The following ROBO1 variants were observed in gnomAD, a reference collection of about 807,000 sequenced individuals.
ROBO1 encodes the protein roundabout guidance receptor 1.
A neutral mutation model predicts 195.9 loss-of-function variants in ROBO1; 149 were observed. The ratio of observed to expected loss-of-function variants is 0.76; its 90% CI spans 0.67 to 0.87. The LOEUF is 0.87. ROBO1 is among the 40% of genes least tolerant of loss of function. The pLI, the probability that ROBO1 is intolerant of heterozygous loss-of-function variation, is 0.00. For synonymous variants in ROBO1, 816 were observed against 733.2 expected, an observed-to-expected ratio of 1.11 and a Z score of -1.82; for missense variants, 1,933 against 2,068.3, an observed-to-expected ratio of 0.93 and a Z score of 1.27.
At chr3:79,757,255 T>C (rs73126801) in intron 1 of ROBO1, among the ~76,000 whole-genome samples, 26,244 of 152,124 alleles carry the variant, frequency 0.17, 2,310 homozygotes, top group East Asian at 0.25. Flanking sequence ...ACAGTGCCTG[T>C]ACCACTTCAC....
intron 4 of ROBO1, among the ~76,000 whole-genome samples, chr3:78,920,040 T>C (rs1370148828): frequency 1.3e-5 from 2 of 152,218 alleles, no homozygotes; most frequent in Non-Finnish European, 2.9e-5. Context: ...TTATCTATGA[T>C]TCAGTGTGAA....
intron 1 of ROBO1, among the ~76,000 whole-genome samples, chr3:79,653,009 T>C (rs1946056364): frequency 6.6e-6 from 1 of 151,948 alleles, no homozygotes; most frequent in Admixed American, 6.6e-5. Context: ...CAATAATCAC[T>C]AAATATGTTT....
intron 1 of ROBO1, among the ~76,000 whole-genome samples, chr3:79,609,286 G>GA (rs1006889412): frequency 2.0e-4 from 30 of 149,612 alleles, no homozygotes; most frequent in African/African-American, 3.7e-4. Flanking sequence ...AAAAAAAACT[G>GA]AAAAAAAAAT....
chr3:79,018,916 T>C (rs960469195), intron 3 of ROBO1: 2 of 987,646 alleles, frequency 2.0e-6, no homozygotes, highest in Admixed American at 6.0e-5. Context: ...TGCTTCTCCG[T>C]CTCCCGGCGA....
intron 2 of ROBO1, among the ~76,000 whole-genome samples, chr3:79,505,342 A>G (rs989519099): frequency 7.9e-5 from 12 of 152,318 alleles, no homozygotes; most frequent in African/African-American, 2.9e-4. Context: ...GAGAAAGAGA[A>G]AGAGATTTCA....
At chr3:79,764,556 C>CT (rs1471285179) in intron 1 of ROBO1, among the ~76,000 whole-genome samples, 1 of 152,146 alleles carries the variant, frequency 6.6e-6, no homozygotes, top group African/African-American at 2.4e-5. Context: ...TACTGCCTTG[C>CT]TTTTTTTCAT....
rs546075768 is a variant in ROBO1, at chr3:79,358,430, A to C, written c.88+231394T>G. ...TTGGATTTGGTTTAGGAAGACGTTG[A>C]TATCCTGAGAAGCTATAAATGGTTT... is the stretch of plus-strand genomic sequence containing the variant. On this transcript the variant is annotated intron_variant, in intron 2 of 30. Coordinates refer to ENST00000464233, the MANE Select transcript of ROBO1 (RefSeq NM_002941.4). 1.2e-4 allele frequency among the ~76,000 whole-genome samples: 18 copies of C among 152,170 alleles called. No homozygotes were observed. In the South Asian group the frequency reaches 3.7e-3, roughly 32 times the overall value.
chr3:79,159,495 G>A (rs1576752574), intron 2 of ROBO1, among the ~76,000 whole-genome samples: 2 of 152,008 alleles, frequency 1.3e-5, no homozygotes, highest in East Asian at 1.9e-4. Context: ...AAATAGTACA[G>A]GTGACCACTA....
At chr3:79,129,813 G>T (rs1184584085) in intron 2 of ROBO1, among the ~76,000 whole-genome samples, 3 of 151,466 alleles carry the variant, frequency 2.0e-5, no homozygotes, top group Non-Finnish European at 4.4e-5. Context: ...TATGGTTTTA[G>T]GTCTAACGTT....
intron 2 of ROBO1, among the ~76,000 whole-genome samples, chr3:79,488,777 C>T (rs1939292814): frequency 6.6e-6 from 1 of 152,092 alleles, no homozygotes; most frequent in Admixed American, 6.6e-5. Context: ...ATACTAAAAC[C>T]TGGCGCCATG....
intron 4 of ROBO1, among the ~76,000 whole-genome samples, chr3:78,906,870 T>TG (rs2037953049): frequency 6.6e-6 from 1 of 152,026 alleles, no homozygotes; most frequent in African/African-American, 2.4e-5. Context: ...ATAAATTTTT[T>TG]GAAAAAAAAG....
chr3:78,641,740 T>G (rs1705968714), intron 21 of ROBO1, among the ~76,000 whole-genome samples: 1 of 152,160 alleles, frequency 6.6e-6, no homozygotes, highest in South Asian at 2.1e-4. Context: ...CAGACTGACT[T>G]ACATGTTTCA....
At chr3:79,217,753 G>C (rs1170350152) in intron 2 of ROBO1, among the ~76,000 whole-genome samples, 1 of 151,828 alleles carries the variant, frequency 6.6e-6, no homozygotes, top group Non-Finnish European at 1.5e-5. Flanking sequence ...TTTCTTCTGA[G>C]AAATTTGGAG....
At position 79,468,440 on chromosome 3, in the gene ROBO1, C is replaced by T. The variant is rs1269198552; in HGVS notation, c.88+121384G>A. 3.3e-5 allele frequency among the ~76,000 whole-genome samples: 5 copies of T among 152,178 alleles called. 1 individual carries two copies. Among genetic ancestry groups the T allele is most frequent in the South Asian group, 4.1e-4 (2 of 4,828 alleles). On this transcript the variant is annotated intron_variant, in intron 2 of 30. Coordinates refer to ENST00000464233, the MANE Select transcript of ROBO1 (RefSeq NM_002941.4). ...AGATTTGAACAATCGGGTCAGAGGCCGTGCTCTTAATAGCTACCTACTATG... is the reference window on the plus strand; with the variant it reads ...AGATTTGAACAATCGGGTCAGAGGCTGTGCTCTTAATAGCTACCTACTATG...
intron 2 of ROBO1, among the ~76,000 whole-genome samples, chr3:79,530,712 A>G (rs1941615802): frequency 2.0e-5 from 3 of 149,918 alleles, no homozygotes; most frequent in African/African-American, 4.9e-5. Context: ...AGCCTGCATG[A>G]TGTTTTTGAA....
intron 4 of ROBO1, among the ~76,000 whole-genome samples, chr3:78,824,020 T>TA (rs1459036879): frequency 3.3e-5 from 5 of 152,188 alleles, no homozygotes; most frequent in Non-Finnish European, 7.3e-5. Context: ...TAATGACAGG[T>TA]ATGACTTGCT....
rs532449016 is a variant in ROBO1, at chr3:78,971,753, G to T, written c.173-32826C>A. On this transcript the variant is annotated intron_variant, in intron 3 of 30. Coordinates refer to ENST00000464233, the MANE Select transcript of ROBO1 (RefSeq NM_002941.4). ...ACATCTTTTAAATATTTTTTTTGTT[G>T]TTGTTGTTGTTGTTTGTTTGTTTGT... Among the ~76,000 whole-genome samples the T allele has an allele frequency of 1.5e-4, 22 of 151,692 alleles. 1 individual carries two copies. The highest frequency in any genetic ancestry group is 4.2e-4 in the South Asian group (2 of 4,796).
intron 1 of ROBO1, among the ~76,000 whole-genome samples, chr3:79,726,883 G>A (rs1314964695): frequency 6.6e-6 from 1 of 152,148 alleles, no homozygotes; most frequent in Non-Finnish European, 1.5e-5. Context: ...GGGACTACTA[G>A]GGGCATTTCA....
chr3:78,826,304 A>C (rs373992303), intron 4 of ROBO1, among the ~76,000 whole-genome samples: 12 of 152,192 alleles, frequency 7.9e-5, no homozygotes, highest in African/African-American at 2.7e-4. Context: ...TTATTGCTTA[A>C]ATGAACTTTT....
Sources: gnomAD v4.1 joint callset for allele counts (sites outside exome capture counted in the v4.1 genomes callset) on GRCh38, gnomAD v4.1.1 for gene constraint, MANE v1.5 for transcripts, NCBI Gene and HGNC (gene_info 2026-07-23, HGNC 2026-07-21) for gene names.